The following PRCP variants were observed in gnomAD, a reference collection of about 807,000 sequenced individuals.
PRCP encodes lysosomal Pro-X carboxypeptidase.
PRCP carries 46 observed loss-of-function variants against 54.2 expected under a neutral mutation model. The ratio of observed to expected loss-of-function variants is 0.85; its 90% confidence interval spans 0.67 to 1.09. PRCP has a LOEUF of 1.09. Among genes scored for constraint, PRCP ranks in the 50% least tolerant of loss-of-function variants. The pLI is 0.00. For synonymous variants in PRCP, 240 were observed against 212.2 expected, an observed-to-expected ratio of 1.13 and a Z score of -1.14; for missense variants, 613 against 596.8, an observed-to-expected ratio of 1.03 and a Z score of -0.28.
At chr11:82,894,800 A>C (rs1486213344) in intron 1 of PRCP, among the ~76,000 whole-genome samples, 1 of 152,250 alleles carries the variant, frequency 6.6e-6, no homozygotes, top group African/African-American at 2.4e-5. Context: ...ACAGTGTTAG[A>C]TTTACTATTG....
chr11:82,862,948 C>G (rs988692439), intron 1 of PRCP, among the ~76,000 whole-genome samples: 3 of 152,196 alleles, frequency 2.0e-5, no homozygotes, highest in African/African-American at 7.2e-5. Flanking sequence ...TATATCCACT[C>G]AGCCTAAAAA....
At chr11:82,892,334 T>C (rs1860023342) in intron 1 of PRCP, among the ~76,000 whole-genome samples, 1 of 152,218 alleles carries the variant, frequency 6.6e-6, no homozygotes, top group African/African-American at 2.4e-5. Flanking sequence ...TAGCATAATA[T>C]TGAGCTCAGA....
chr11:82,894,914 T>G (rs896262379), intron 1 of PRCP, among the ~76,000 whole-genome samples: 1 of 152,048 alleles, frequency 6.6e-6, no homozygotes, highest in African/African-American at 2.4e-5. Context: ...GAAAGAAAAA[T>G]AGAAATAGTT....
At chr11:82,899,177 G>C (rs1398911173) in intron 1 of PRCP, among the ~76,000 whole-genome samples, 2 of 152,174 alleles carry the variant, frequency 1.3e-5, no homozygotes, top group Non-Finnish European at 2.9e-5. Flanking sequence ...GGGCAACATA[G>C]TGAGCCTTGT....
At chr11:82,889,952 T>C (rs999374976) in intron 1 of PRCP, among the ~76,000 whole-genome samples, 2 of 152,074 alleles carry the variant, frequency 1.3e-5, no homozygotes, top group African/African-American at 2.4e-5. Context: ...TGGTTTACTC[T>C]TCTAGTAGTC....
chr11:82,837,217 A>G (rs1459614177), intron 8 of PRCP: 2 of 194,692 alleles, frequency 1.0e-5, no homozygotes, highest in African/African-American at 4.7e-5. Flanking sequence ...CTCCATGCCA[A>G]AGCTAACCAA....
intron 1 of PRCP, among the ~76,000 whole-genome samples, chr11:82,866,704 A>G (rs765127442): frequency 1.3e-5 from 2 of 151,982 alleles, no homozygotes; most frequent in African/African-American, 4.8e-5. Context: ...CATGGCAGAT[A>G]CTTTATAGAT....
chr11:82,841,058 A>ATATATATATATATAAAAATAATATAT (rs1178732590), intron 6 of PRCP, among the ~76,000 whole-genome samples: 1 of 149,630 alleles, frequency 6.7e-6, no homozygotes, highest in African/African-American at 2.5e-5. Flanking sequence ...TATATAATAG[A>ATATATATATATATAAAAATAATATAT]CTAGTCCTGA....
chr11:82,838,662 T>G, intron 7 of PRCP, 88 bp from the exon 8 acceptor site: 1 of 1,345,424 alleles, frequency 7.4e-7, no homozygotes, highest in Middle Eastern at 1.9e-4. Context: ...TGCTGGTAAG[T>G]AGTGAAGGCA....
At chr11:82,857,603 A>G (rs951972907) in intron 2 of PRCP, among the ~76,000 whole-genome samples, 1 of 152,232 alleles carries the variant, frequency 6.6e-6, no homozygotes, top group Non-Finnish European at 1.5e-5. Context: ...TTAGATTTAG[A>G]TTTAGCACAG....
At chr11:82,870,369 GGTAA>G (rs1312435602) in intron 1 of PRCP, among the ~76,000 whole-genome samples, 1 of 152,162 alleles carries the variant, frequency 6.6e-6, no homozygotes, top group African/African-American at 2.4e-5. Context: ...TGAGACTCTA[GGTAA>G]GTGAGGGATA....
rs139238981 is a variant in PRCP, at chr11:82,846,386, G to T, written c.921+2663C>A. Among the ~76,000 whole-genome samples the T allele has an allele frequency of 2.6e-4, 40 of 152,114 alleles. No homozygotes were observed. In the East Asian group the frequency reaches 7.5e-3, roughly 29 times the overall value. ...TGGAAAAATTCTGAAAATCAGATGG[G>T]TAACTAACTATAGGATGAAATTGGA... is the stretch of plus-strand genomic sequence containing the variant. On this transcript the variant is annotated intron_variant, in intron 6 of 8. Coordinates refer to ENST00000313010, the MANE Select transcript of PRCP (RefSeq NM_005040.4).
intron 1 of PRCP, among the ~76,000 whole-genome samples, chr11:82,869,534 T>C (rs1426826677): frequency 6.6e-6 from 1 of 152,090 alleles, no homozygotes; most frequent in Non-Finnish European, 1.5e-5. Context: ...TCCAAGATTG[T>C]TTCTCTAAAC....
At chr11:82,883,117 G>C (rs1215075902) in intron 1 of PRCP, among the ~76,000 whole-genome samples, 1 of 152,190 alleles carries the variant, frequency 6.6e-6, no homozygotes, top group Admixed American at 6.5e-5. Context: ...CTGATGGGTG[G>C]AGTCCTAGCA....
Position 82,838,497 on chromosome 11 carries a change from CT to C in PRCP, c.1163del (p.Lys388ArgfsTer13). ...GTTGAAAACAGTCATCAGAAAGTTC[CT>C]TTAAGTTCCATGAGTGAGGTTCAAA... ...DMFEPHSWNL[K>X]ELSDDCFQQW... is the part of the protein sequence containing the mutation. On this transcript the variant is annotated frameshift_variant, in exon 8 of 9. Transcript: ENST00000313010. LOFTEE classifies it high-confidence loss of function. The C allele has an allele frequency of 6.2e-7, 1 of 1,614,078 alleles. No homozygotes were observed. Among genetic ancestry groups the C allele is most frequent in the South Asian group, 1.1e-5 (1 of 91,078 alleles).
At chr11:82,892,284 G>C (rs556732204) in intron 1 of PRCP, among the ~76,000 whole-genome samples, 11 of 152,050 alleles carry the variant, frequency 7.2e-5, no homozygotes, top group Non-Finnish European at 1.2e-4. Flanking sequence ...TTCAAAAAGC[G>C]ATTATATTAA....
chr11:82,827,679 A>C (rs1858271990), intron 8 of PRCP: 2 of 152,152 alleles, frequency 1.3e-5, no homozygotes, highest in Admixed American at 1.3e-4. Flanking sequence ...TAAGTTTGAA[A>C]TCAGGAAGTG....
chr11:82,839,317 G>A lies in PRCP; in HGVS notation c.1030C>T (p.Leu344=). The change falls in exon 7 of 9, where the codon CTG becomes TTG. Residue 344 remains leucine (L), a synonymous_variant. Transcript: ENST00000313010. ...YYNYSGQVKC[L]NISETATSSL... ...CTAGTTGCTGTCTCTGAAATATTCAGGCATTTCACCTGGCCCGAATAATTG... is the reference window on the plus strand; with the variant it reads ...CTAGTTGCTGTCTCTGAAATATTCAAGCATTTCACCTGGCCCGAATAATTG... The A allele has an allele frequency of 6.2e-7, 1 of 1,613,996 alleles. No individual in the cohort carries two copies. The highest frequency in any genetic ancestry group is 8.5e-7 in the Non-Finnish European group (1 of 1,179,966).
chr11:82,831,706 C>G (rs993507442), intron 8 of PRCP, among the ~76,000 whole-genome samples: 5 of 151,998 alleles, frequency 3.3e-5, no homozygotes, highest in African/African-American at 9.7e-5. Context: ...TTCCACAGGG[C>G]TCCTTGGACA....
Sources: gnomAD v4.1 joint callset for allele counts (sites outside exome capture counted in the v4.1 genomes callset) on GRCh38, gnomAD v4.1.1 for gene constraint, MANE v1.5 for transcripts, NCBI Gene and HGNC (gene_info 2026-07-23, HGNC 2026-07-21) for gene names.